Variants in MTMR10 observed in about 807,000 individuals in gnomAD.
MTMR10 encodes myotubularin related protein 10, also known as myotubularin-related protein 10.
MTMR10 carries 56 observed loss-of-function variants against 88.1 expected under a neutral mutation model. The ratio of observed to expected loss-of-function variants is 0.64; its 90% CI spans 0.51 to 0.79. The LOEUF is 0.79. Ranked by LOEUF, MTMR10 falls within the 30% of genes least tolerant of loss-of-function variation. The probability of loss-of-function intolerance (pLI) is 0.00; values close to 1 mark genes in which losing one functional copy is unlikely to be tolerated. For synonymous variants in MTMR10, 380 were observed against 340.9 expected, an observed-to-expected ratio of 1.11 and a Z score of -1.26; for missense variants, 883 against 924.7, an observed-to-expected ratio of 0.95 and a Z score of 0.58.
chr15:30,928,600 C>A, the MTMR10 span: 2 of 1,613,046 alleles, frequency 1.2e-6, no homozygotes, highest in Non-Finnish European at 1.7e-6. Flanking sequence ...TGGCCTCCTC[C>A]TGTGGGACAT....
At chr15:30,927,601 G>A in the MTMR10 span, 1 of 985,556 alleles carries the variant, frequency 1.0e-6, no homozygotes, top group East Asian at 1.1e-4. Context: ...CAGATGGGTT[G>A]GGGCCTGTAA....
chr15:30,969,668 C>T (rs1384534152), intron 5 of MTMR10, among the ~76,000 whole-genome samples: 1 of 152,146 alleles, frequency 6.6e-6, no homozygotes, highest in African/African-American at 2.4e-5. Context: ...AACAATTTTG[C>T]TCTCCTGATA....
At chr15:30,936,628 G>A (rs1273260787), downstream of MTMR10, among the ~76,000 whole-genome samples, 2 of 150,226 alleles carry the variant, frequency 1.3e-5, no homozygotes, top group East Asian at 2.0e-4. Context: ...CTTATGTCCT[G>A]ATAAATCCTA....
chr15:30,984,602 G>C (rs1274922300), intron 2 of MTMR10, among the ~76,000 whole-genome samples: 1 of 152,192 alleles, frequency 6.6e-6, no homozygotes, highest in Non-Finnish European at 1.5e-5. Flanking sequence ...GGGCCAGTGA[G>C]CTTGTAAAAA....
chr15:30,955,258 C>G (rs2141012942), intron 9 of MTMR10, among the ~76,000 whole-genome samples: 1 of 152,310 alleles, frequency 6.6e-6, no homozygotes, highest in Middle Eastern at 3.4e-3. Context: ...GTGCACAGAA[C>G]AAATTAGATC....
the MTMR10 span, among the ~76,000 whole-genome samples, chr15:30,919,637 T>G: frequency 6.9e-6 from 1 of 145,314 alleles, no homozygotes; most frequent in South Asian, 2.1e-4. Context: ...TGTAATGAGC[T>G]GAGATCGCAC....
chr15:30,943,347 A>G (rs774299411), intron 14 of MTMR10: 1 of 985,186 alleles, frequency 1.0e-6, no homozygotes, highest in Non-Finnish European at 1.2e-6. Flanking sequence ...GAATGTTATT[A>G]AGAGAAGTTT....
chr15:30,991,364 G>C (rs2031315491), intron 1 of MTMR10, 83 bp downstream of exon 1: 1 of 1,309,112 alleles, frequency 7.6e-7, no homozygotes, highest in Non-Finnish European at 1.0e-6. Flanking sequence ...GCCTCCTGGG[G>C]TCCTCCAGTT....
chr15:30,936,031 C>T (rs1321327040), downstream of MTMR10, among the ~76,000 whole-genome samples: 6 of 151,064 alleles, frequency 4.0e-5, no homozygotes, highest in African/African-American at 9.7e-5. Flanking sequence ...TTTTTTTTCT[C>T]GTTCCTTTGG....
At chr15:30,989,881 G>A in intron 2 of MTMR10, among the ~76,000 whole-genome samples, 1 of 152,018 alleles carries the variant, frequency 6.6e-6, no homozygotes, top group East Asian at 1.9e-4. Context: ...CACCGTGCCC[G>A]GCCGATTTCA....
At position 30,960,864 on chromosome 15, in the gene MTMR10, G is replaced by A. The variant is rs1168684424; in HGVS notation, c.758+17C>T. ...GTGACTTCCAGCCATATATAACATT[G>A]CTAAAATTGTACTTACCAAGTGGAT... is the stretch of plus-strand genomic sequence containing the variant. On this transcript the variant is annotated intron_variant, in intron 7 of 15. Coordinates refer to ENST00000435680, the MANE Select transcript of MTMR10 (RefSeq NM_017762.3). 3 of 1,567,256 alleles carry A rather than the reference G, an allele frequency of 1.9e-6. No individual in the cohort carries two copies. In the Admixed American group the frequency reaches 5.2e-5, roughly 27 times the overall value.
intron 5 of MTMR10, among the ~76,000 whole-genome samples, chr15:30,969,762 G>A (rs1457266606): frequency 6.6e-6 from 1 of 152,074 alleles, no homozygotes; most frequent in East Asian, 1.9e-4. Flanking sequence ...TCCTCACCAG[G>A]TAACTATACC....
At chr15:30,928,560 T>A in the MTMR10 span, 2 of 1,605,622 alleles carry the variant, frequency 1.2e-6, no homozygotes, top group African/African-American at 2.7e-5. Context: ...TAGGGATTCA[T>A]GGCGAAGGGT....
At chr15:30,966,956 G>A (rs928370268) in intron 6 of MTMR10, among the ~76,000 whole-genome samples, 5 of 148,884 alleles carry the variant, frequency 3.4e-5, no homozygotes, top group South Asian at 2.1e-4. Context: ...TTCAGATACC[G>A]TACACTGATA....
At chr15:30,937,482 C>A (rs563739369), downstream of MTMR10, among the ~76,000 whole-genome samples, 2 of 137,374 alleles carry the variant, frequency 1.5e-5, no homozygotes, top group African/African-American at 5.5e-5. Flanking sequence ...GACAGAGTCT[C>A]GCTCTGTCAC....
intron 6 of MTMR10, among the ~76,000 whole-genome samples, chr15:30,963,397 G>A (rs1455411860): frequency 6.6e-6 from 1 of 152,116 alleles, no homozygotes; most frequent in African/African-American, 2.4e-5. Flanking sequence ...TTGGGAGGCC[G>A]AGGTGGGCGG....
intron 5 of MTMR10, among the ~76,000 whole-genome samples, chr15:30,969,190 TA>T (rs1283587945): frequency 2.0e-5 from 3 of 152,046 alleles, no homozygotes; most frequent in African/African-American, 7.2e-5. Context: ...TTCTATAGAA[TA>T]AATGTTTCCT....
chr15:30,938,904 C>G (rs2062945678), downstream of MTMR10: 3 of 984,722 alleles, frequency 3.0e-6, no homozygotes, highest in East Asian at 1.1e-4. Flanking sequence ...CTATCAATCA[C>G]TGTGTTCCAG....
Position 30,948,460 on chromosome 15 carries a change from T to C in MTMR10, c.1219A>G (p.Arg407Gly), listed in dbSNP as rs1293005865. 6.2e-7 allele frequency: 1 copy of C among 1,606,164 alleles called. No individual in the cohort carries two copies. The highest frequency in any genetic ancestry group is 8.5e-7 in the Non-Finnish European group (1 of 1,175,884). ...LSVVLQEEEG[R>G]DLSCCVASLV... is the part of the protein sequence containing the mutation. ...GAAGCTACACAACAGCTCAAGTCTC[T>C]TCCTTCCTCCTCTGTTAATAAAATG... Residue 407 changes from arginine to glycine, a missense_variant, in exon 13 of 16, where the codon AGA becomes GGA. By Grantham distance (125) the Arg-to-Gly change is moderately radical. Transcript: ENST00000435680.
Sources: gnomAD v4.1 joint callset for allele counts (sites outside exome capture counted in the v4.1 genomes callset) on GRCh38, gnomAD v4.1.1 for gene constraint, MANE v1.5 for transcripts, NCBI Gene and HGNC (gene_info 2026-07-23, HGNC 2026-07-21) for gene names.